The following ARFGAP3 variants were observed in gnomAD, a reference collection of about 807,000 sequenced individuals.
The protein encoded by ARFGAP3 is ADP-ribosylation factor GTPase-activating protein 3.
In ARFGAP3, 72 loss-of-function variants were observed where a neutral mutation model predicts 75.0. That is an observed-to-expected ratio of 0.96 (90% CI 0.79 to 1.17). The LOEUF (loss-of-function observed/expected upper bound fraction) is 1.17. Among genes scored for constraint, ARFGAP3 ranks in the 50% most tolerant of loss-of-function variants. The pLI, the probability that ARFGAP3 is intolerant of heterozygous loss-of-function variation, is 0.00. For missense variants in ARFGAP3, 620 were observed against 626.6 expected (o/e 0.99, Z 0.11); for synonymous variants, 221 against 217.9 (o/e 1.01, Z -0.13).
At chr22:42,841,948 C>G (rs1306519178) in intron 2 of ARFGAP3, among the ~76,000 whole-genome samples, 2 of 148,978 alleles carry the variant, frequency 1.3e-5, no homozygotes, top group Admixed American at 1.3e-4. Context: ...CAGCCTCAAC[C>G]AGGATTGCTC....
intron 5 of ARFGAP3, 118 bp downstream of exon 5, chr22:42,834,124 T>TA: frequency 2.2e-6 from 2 of 905,366 alleles, no homozygotes; most frequent in Non-Finnish European, 3.4e-6. Flanking sequence ...CTTCAGTAGT[T>TA]ATGTTTCAGC....
intron 1 of ARFGAP3, chr22:42,853,451 G>A: frequency 4.5e-6 from 1 of 220,690 alleles, no homozygotes; most frequent in South Asian, 7.8e-5. Context: ...GGAATCTGCT[G>A]GCCATCCTTG....
chr22:42,802,289 T>C (rs2006040), intron 14 of ARFGAP3, among the ~76,000 whole-genome samples: 53,574 of 135,210 alleles, frequency 0.4, 10,459 homozygotes, highest in Non-Finnish European at 0.47. Context: ...AAAATAACAA[T>C]TTTTTTTTTT....
intron 8 of ARFGAP3, 180 bp from the exon 9 acceptor site, chr22:42,822,589 G>A: frequency 1.0e-5 from 3 of 290,668 alleles, no homozygotes; most frequent in Non-Finnish European, 1.5e-5. Flanking sequence ...CTCAGCATGG[G>A]GGAATTGGTT....
At chr22:42,807,288 C>T (rs1458203667) in intron 13 of ARFGAP3, 125 bp from the exon 14 acceptor site, 3 of 1,447,490 alleles carry the variant, frequency 2.1e-6, no homozygotes, top group Non-Finnish European at 1.8e-6. Flanking sequence ...CCAACAGTTA[C>T]TGAATGCCAC....
chr22:42,826,805 A>C, intron 7 of ARFGAP3, 135 bp downstream of exon 7: 1 of 594,118 alleles, frequency 1.7e-6, no homozygotes, highest in East Asian at 3.0e-5. Context: ...TTGTTTAATA[A>C]AATCTTATTA....
At chr22:42,830,557 A>G (rs973562642) in intron 6 of ARFGAP3, among the ~76,000 whole-genome samples, 3 of 152,220 alleles carry the variant, frequency 2.0e-5, no homozygotes, top group African/African-American at 7.2e-5. Context: ...TTAGTTGTCC[A>G]AAGTTACATT....
At chr22:42,834,916 G>A (rs1007210946) in intron 4 of ARFGAP3, among the ~76,000 whole-genome samples, 1 of 152,112 alleles carries the variant, frequency 6.6e-6, no homozygotes, top group African/African-American at 2.4e-5. Context: ...AGTACTGAAG[G>A]GCTATCTAAT....
At chr22:42,826,876 G>T in intron 7 of ARFGAP3, 64 bp downstream of exon 7, 1 of 1,452,592 alleles carries the variant, frequency 6.9e-7, no homozygotes, top group South Asian at 1.2e-5. Context: ...AATGCAAGAG[G>T]ATTTATTTTT....
At chr22:42,816,839 A>T (rs1369643471) in intron 11 of ARFGAP3, among the ~76,000 whole-genome samples, 1 of 152,226 alleles carries the variant, frequency 6.6e-6, no homozygotes, top group African/African-American at 2.4e-5. Flanking sequence ...TAAACAACAC[A>T]TACCTTCAGG....
intron 2 of ARFGAP3, among the ~76,000 whole-genome samples, chr22:42,843,678 A>T (rs1171917381): frequency 6.6e-6 from 1 of 152,160 alleles, no homozygotes. Flanking sequence ...CTATCTTCTT[A>T]TTTACGTTGT....
chr22:42,848,583 C>G (rs1927129524), intron 1 of ARFGAP3, among the ~76,000 whole-genome samples: 1 of 152,186 alleles, frequency 6.6e-6, no homozygotes, highest in African/African-American at 2.4e-5. Context: ...CTCAAACATG[C>G]CTTATCCTTG....
At chr22:42,841,395 C>T (rs540479590) in intron 2 of ARFGAP3, among the ~76,000 whole-genome samples, 4 of 152,282 alleles carry the variant, frequency 2.6e-5, no homozygotes, top group African/African-American at 7.2e-5. Context: ...CCAGTTTGAT[C>T]GCTACCAGAA....
chr22:42,849,641 G>A (rs533963705), intron 1 of ARFGAP3, among the ~76,000 whole-genome samples: 66 of 149,468 alleles, frequency 4.4e-4, no homozygotes, highest in Admixed American at 1.0e-3. Context: ...CTAGCTCACT[G>A]CAGTCTCGAA....
At chr22:42,848,220 T>A (rs1210475246) in intron 1 of ARFGAP3, among the ~76,000 whole-genome samples, 3 of 152,082 alleles carry the variant, frequency 2.0e-5, no homozygotes, top group Non-Finnish European at 2.9e-5. Flanking sequence ...TTTATCTATT[T>A]ATTTTTGAGA....
At chr22:42,854,957 T>TA (rs11397572) in intron 1 of ARFGAP3, among the ~76,000 whole-genome samples, 65,385 of 152,126 alleles carry the variant, frequency 0.43, 14,592 homozygotes, top group Non-Finnish European at 0.48. Flanking sequence ...TTACAGAATA[T>TA]AAATTTTTCA....
chr22:42,829,408 A>G (rs1383420900), intron 6 of ARFGAP3, among the ~76,000 whole-genome samples: 1 of 152,252 alleles, frequency 6.6e-6, no homozygotes, highest in Admixed American at 6.5e-5. Flanking sequence ...AAAAGCAAAC[A>G]CAGGCAGAAA....
At chr22:42,844,707 T>G (rs1471182315) in intron 2 of ARFGAP3, among the ~76,000 whole-genome samples, 1 of 151,932 alleles carries the variant, frequency 6.6e-6, no homozygotes, top group Non-Finnish European at 1.5e-5. Flanking sequence ...GGCCCCTCAG[T>G]TTTTTTTAAG....
chr22:42,827,654 C>G (rs1926103114), intron 6 of ARFGAP3, among the ~76,000 whole-genome samples: 1 of 152,234 alleles, frequency 6.6e-6, no homozygotes, highest in African/African-American at 2.4e-5. Context: ...GCGTGAGCCA[C>G]TGAACCCGGC....
Sources: gnomAD v4.1 joint callset for allele counts (sites outside exome capture counted in the v4.1 genomes callset) on GRCh38, gnomAD v4.1.1 for gene constraint, MANE v1.5 for transcripts, NCBI Gene and HGNC (gene_info 2026-07-23, HGNC 2026-07-21) for gene names.